Variants in ZSWIM7 observed in about 807,000 individuals in gnomAD.
The protein encoded by ZSWIM7 is zinc finger SWIM-type containing 7, also known as zinc finger SWIM domain-containing protein 7.
A neutral mutation model predicts 21.1 loss-of-function variants in ZSWIM7; 22 were observed. That is an observed-to-expected ratio of 1.04 (90% CI 0.74 to 1.49). The LOEUF (loss-of-function observed/expected upper bound fraction) is 1.49, where lower values mean the gene tolerates loss of function less well. Ranked by LOEUF, ZSWIM7 falls within the 40% of genes most tolerant of loss-of-function variation. ZSWIM7 has a pLI of 0.00. For missense variants in ZSWIM7, 193 were observed against 168.0 expected, an observed-to-expected ratio of 1.15 and a Z score of -0.82; for synonymous variants, 67 against 66.5, an observed-to-expected ratio of 1.01 and a Z score of -0.04.
intron 2 of ZSWIM7, among the ~76,000 whole-genome samples, chr17:15,989,741 C>T (rs1361890370): frequency 1.3e-5 from 2 of 151,996 alleles, no homozygotes; most frequent in Non-Finnish European, 2.9e-5. Context: ...AGTGATCCTC[C>T]CACCACCTCA....
At chr17:15,984,206 T>C (rs976406095) in intron 3 of ZSWIM7, among the ~76,000 whole-genome samples, 1 of 152,192 alleles carries the variant, frequency 6.6e-6, no homozygotes, top group Non-Finnish European at 1.5e-5. Context: ...AGAGGTTAAA[T>C]TTCGAATTTG....
chr17:15,978,263 C>T, intron 4 of ZSWIM7, 100 bp from the exon 5 acceptor site: 1 of 841,012 alleles, frequency 1.2e-6, no homozygotes. Context: ...CAGGAGAAGA[C>T]TAGAGCATAC....
At chr17:15,989,608 G>A (rs866520827) in intron 2 of ZSWIM7, among the ~76,000 whole-genome samples, 5 of 152,042 alleles carry the variant, frequency 3.3e-5, no homozygotes, top group Admixed American at 6.6e-5. Flanking sequence ...GTGAGCCAGC[G>A]TGTCTGGCCT....
At chr17:15,984,030 G>C (rs1970384211) in intron 3 of ZSWIM7, among the ~76,000 whole-genome samples, 1 of 152,154 alleles carries the variant, frequency 6.6e-6, no homozygotes, top group South Asian at 2.1e-4. Context: ...ATAATTCACT[G>C]CTTCCTTCTT....
chr17:15,976,938 C>G lies in ZSWIM7; in HGVS notation c.*1109G>C, dbSNP rs1203544972. ...TTTTCATCTTCACGTATTATTGCTT[C>G]TTTGCTCTCTCGGTGTCCAACTGAG... On this transcript the variant is annotated 3_prime_UTR_variant, in exon 5 of 5. Coordinates refer to ENST00000399277, the MANE Select transcript of ZSWIM7 (RefSeq NM_001042697.2). The G allele has an allele frequency of 6.6e-6, 1 of 152,016 alleles. No homozygotes were observed. The highest frequency in any genetic ancestry group is 1.5e-5 in the Non-Finnish European group (1 of 68,008). The allele number at this position is 152,016 out of a possible 1,614,324, so 9.4% of individuals were successfully genotyped here.
At chr17:15,993,957 T>TA in intron 1 of ZSWIM7, 179 bp from the exon 2 acceptor site, 1 of 499,720 alleles carries the variant, frequency 2.0e-6, no homozygotes, top group Non-Finnish European at 3.7e-6. Flanking sequence ...GATTTCCTTT[T>TA]TCTTTTTTTG....
At chr17:15,982,602 G>C (rs562704260) in intron 3 of ZSWIM7, among the ~76,000 whole-genome samples, 86 of 152,108 alleles carry the variant, frequency 5.7e-4, no homozygotes, top group African/African-American at 2.0e-3. Flanking sequence ...CACATTTTCA[G>C]TGGTTCATAT....
At chr17:15,980,029 G>A (rs531248068) in intron 4 of ZSWIM7, among the ~76,000 whole-genome samples, 8 of 140,434 alleles carry the variant, frequency 5.7e-5, no homozygotes, top group East Asian at 2.2e-4. Context: ...CTGGCCGGGC[G>A]GGGGGCTGAC....
rs772666782 is a variant in ZSWIM7 at position 15,978,043 on chromosome 17, C to A, written c.*4G>T. The A allele has an allele frequency of 7.5e-6, 12 of 1,605,544 alleles. No homozygotes were observed. In the South Asian group the frequency reaches 8.8e-5, roughly 12 times the overall value. ...TTGAAAGAATGATGCTCAATCTGTA[C>A]CTTTTATGCTTCTTGTTTCTTCTCC... On this transcript the variant is annotated 3_prime_UTR_variant, in exon 5 of 5. Transcript: ENST00000399277.
chr17:15,988,954 A>G lies in ZSWIM7; in HGVS notation c.99-1586T>C, dbSNP rs374152265. 6.7e-4 allele frequency among the ~76,000 whole-genome samples: 102 copies of G among 152,282 alleles called. No individual in the cohort carries two copies. In the East Asian group the frequency reaches 0.017, roughly 25 times the overall value. ...AGAATCGCTTGAATCCGGGAGGTGG[A>G]GGTTGCGGTGAGCCAAGATCGCGCC... is the stretch of plus-strand genomic sequence containing the variant. On this transcript the variant is annotated intron_variant, in intron 2 of 4. Coordinates refer to ENST00000399277, the MANE Select transcript of ZSWIM7 (RefSeq NM_001042697.2).
At chr17:15,989,653 G>T (rs1400710984) in intron 2 of ZSWIM7, among the ~76,000 whole-genome samples, 2 of 151,930 alleles carry the variant, frequency 1.3e-5, no homozygotes, top group Non-Finnish European at 2.9e-5. Context: ...TTGAGACAAA[G>T]TCTCTCTCTG....
Position 15,977,858 on chromosome 17 carries a change from A to C in ZSWIM7, c.*189T>G, listed in dbSNP as rs1257909043. The stretch of plus-strand genomic sequence containing the variant: ...TTGACAAGACTGTACAGGGCTTCTC[A>C]TCATACACAAACCCTCCACAGCCCA... On this transcript the variant is annotated 3_prime_UTR_variant, in exon 5 of 5. Transcript: ENST00000399277. 1 of 555,776 alleles carries C rather than the reference A, an allele frequency of 1.8e-6. No homozygotes were observed. The highest frequency in any genetic ancestry group is 3.3e-6 in the Non-Finnish European group (1 of 306,836). The allele number at this position is 555,776 out of a possible 1,614,324, so 34.4% of individuals were successfully genotyped here.
chr17:15,995,716 A>T (rs1356294702), intron 1 of ZSWIM7, among the ~76,000 whole-genome samples: 2 of 152,268 alleles, frequency 1.3e-5, no homozygotes, highest in East Asian at 3.9e-4. Context: ...ACAACAGAGG[A>T]CATCCAGTAA....
intron 2 of ZSWIM7, among the ~76,000 whole-genome samples, chr17:15,988,052 T>C (rs1280324792): frequency 1.3e-5 from 2 of 152,202 alleles, no homozygotes; most frequent in East Asian, 3.8e-4. Context: ...CCTGTTAATG[T>C]GTTCATATTA....
In ZSWIM7 at chr17:15,990,178, C is replaced by A. The variant is rs547719784; in HGVS notation, c.99-2810G>T. ...GAGCTTGCAGTGAGCCGGGATCGCGCCACTGCACTCTAGCCTGGGTGACAG... is the reference window on the plus strand; with the variant it reads ...GAGCTTGCAGTGAGCCGGGATCGCGACACTGCACTCTAGCCTGGGTGACAG... On this transcript the variant is annotated intron_variant, in intron 2 of 4. Coordinates refer to ENST00000399277, the MANE Select transcript of ZSWIM7 (RefSeq NM_001042697.2). 4.6e-4 allele frequency among the ~76,000 whole-genome samples: 68 copies of A among 148,908 alleles called. No homozygotes were observed. The East Asian group carries it at 0.012, about 26-fold the overall frequency.
chr17:15,977,336 A>T lies in ZSWIM7; in HGVS notation c.*711T>A, dbSNP rs1391088672. The T allele has an allele frequency of 6.6e-6, 1 of 152,214 alleles. No individual in the cohort carries two copies. Among genetic ancestry groups the T allele is most frequent in the African/African-American group, 2.4e-5 (1 of 41,442 alleles). 9.4% of individuals were successfully genotyped at this position (152,214 alleles called of 1,614,324 possible). On this transcript the variant is annotated 3_prime_UTR_variant, in exon 5 of 5. Transcript: ENST00000399277. The stretch of plus-strand genomic sequence containing the variant: ...AGGAAAAGAACTGACCTACTCGTCG[A>T]AACTTCATCTTACTGTTTGGCCCAC...
At chr17:15,999,416 C>G (rs906085335) in intron 1 of ZSWIM7, 103 bp downstream of exon 1, 1 of 1,405,078 alleles carries the variant, frequency 7.1e-7, no homozygotes, top group African/African-American at 1.4e-5. Context: ...GGAAAAAAGG[C>G]AGGGCCAGGC....
chr17:15,996,452 C>G (rs1323858155), intron 1 of ZSWIM7, among the ~76,000 whole-genome samples: 2 of 152,076 alleles, frequency 1.3e-5, no homozygotes, highest in Non-Finnish European at 2.9e-5. Context: ...TCCAGAGTAG[C>G]CTGGGCAACA....
rs1317086868 is a variant in ZSWIM7, at chr17:15,981,088, T to C, written c.258A>G (p.Ser86=). 1.9e-6 allele frequency: 3 copies of C among 1,613,726 alleles called. No homozygotes were observed. Among genetic ancestry groups the C allele is most frequent in the African/African-American group, 2.7e-5 (2 of 74,882 alleles). ...YTCLASCHYC[S]CPAFAFSVLR... is the part of the protein sequence containing the mutation. Reference sequence around the variant, plus strand: ...GCACTGAGAATGCAAATGCAGGACATGAACAGTAATGACAAGAAGCCAAAC... The same window carrying C: ...GCACTGAGAATGCAAATGCAGGACACGAACAGTAATGACAAGAAGCCAAAC... Residue 86 remains serine, a synonymous_variant, in exon 4 of 5, where the codon TCA becomes TCG. Transcript: ENST00000399277.
Sources: allele counts gnomAD v4.1 joint callset (sites outside exome capture counted in the v4.1 genomes callset), GRCh38; gene constraint gnomAD v4.1.1; transcripts MANE v1.5; gene names NCBI Gene and HGNC (gene_info 2026-07-23, HGNC 2026-07-21).